The following SYNE3 variants were observed in gnomAD, a reference collection of about 807,000 sequenced individuals.
SYNE3 encodes nesprin-3.
In SYNE3, 100 loss-of-function variants were observed where a neutral mutation model predicts 111.2. That is an observed-to-expected ratio of 0.90 (90% CI 0.77 to 1.06). The LOEUF (loss-of-function observed/expected upper bound fraction) is 1.06. Among genes scored for constraint, SYNE3 ranks in the 50% least tolerant of loss-of-function variants. The pLI, the probability that SYNE3 is intolerant of heterozygous loss-of-function variation, is 0.00. For missense variants in SYNE3, 1,160 were observed against 1,240.3 expected, an observed-to-expected ratio of 0.94 and a Z score of 0.97; for synonymous variants, 547 against 533.9, an observed-to-expected ratio of 1.02 and a Z score of -0.34.
intron 2 of SYNE3, among the ~76,000 whole-genome samples, chr14:95,471,751 G>A (rs1254429609): frequency 1.3e-5 from 2 of 152,212 alleles, no homozygotes; most frequent in Admixed American, 1.3e-4. Context: ...CAAGGTCTGC[G>A]TGGCCAGCTG....
rs777390547 is a variant in SYNE3 at position 95,439,773 on chromosome 14, T to C, written c.2085A>G (p.Ala695=). Residue 695 remains alanine, a synonymous_variant, in exon 13 of 18, where the codon GCA becomes GCG. Transcript: ENST00000682763. The part of the protein sequence containing the change: ...SQEAEFERLV[A]EFPEKEAQLS... Reference sequence around the variant, plus strand: ...GCTGGGCCTCCTTCTCCGGGAATTCTGCCACCAGCCTCTAAAGGACACACG... The same window carrying C: ...GCTGGGCCTCCTTCTCCGGGAATTCCGCCACCAGCCTCTAAAGGACACACG... 9.3e-6 allele frequency: 15 copies of C among 1,612,380 alleles called. No homozygotes were observed. Among genetic ancestry groups the C allele is most frequent in the Non-Finnish European group, 1.2e-5 (14 of 1,179,066 alleles).
At position 95,439,774 on chromosome 14, in the gene SYNE3, G is replaced by A; in HGVS notation, c.2084C>T (p.Ala695Val). 1 of 1,612,296 alleles carries A rather than the reference G, an allele frequency of 6.2e-7. No homozygotes were observed. Among genetic ancestry groups the A allele is most frequent in the Non-Finnish European group, 8.5e-7 (1 of 1,179,024 alleles). The change falls in exon 13 of 18, where the codon GCA becomes GTA. Residue 695 changes from alanine (A) to valine (V), a missense_variant. Physicochemically the swap from Ala to Val is moderately conservative, Grantham distance 64. Transcript: ENST00000682763. ...CTGGGCCTCCTTCTCCGGGAATTCT[G>A]CCACCAGCCTCTAAAGGACACACGG... ...SQEAEFERLV[A>V]EFPEKEAQLS... is the part of the protein sequence containing the mutation.
chr14:95,508,431 C>G (rs1454088207), intron 1 of SYNE3, among the ~76,000 whole-genome samples: 1 of 152,162 alleles, frequency 6.6e-6, no homozygotes, highest in South Asian at 2.1e-4. Context: ...GGGCTCTGGA[C>G]AGATAACAAT....
At chr14:95,444,071 A>C (rs1886563667) in intron 10 of SYNE3, 1 of 213,974 alleles carries the variant, frequency 4.7e-6, no homozygotes, top group African/African-American at 2.3e-5. Flanking sequence ...TTAAAAAACC[A>C]TCAAGTTCCT....
chr14:95,447,853 C>G (rs4905312), intron 8 of SYNE3, among the ~76,000 whole-genome samples: 43,517 of 152,080 alleles, frequency 0.29, 6,691 homozygotes, highest in African/African-American at 0.41. Flanking sequence ...TTCCCTGGCT[C>G]TGATCCCTCA....
chr14:95,452,393 A>G lies in SYNE3; in HGVS notation c.1138-10T>C, dbSNP rs1887146501. On this transcript the variant is annotated splice_polypyrimidine_tract_variant and intron_variant, in intron 6 of 17. Transcript: ENST00000682763. ...GCGCCGCCCGTGTTGCCTGCAGCAC[A>G]TGACGACACCGCAGCGGGAGGTGAG... 1 of 1,603,242 alleles carries G rather than the reference A, an allele frequency of 6.2e-7. No individual in the cohort carries two copies.
intron 3 of SYNE3, among the ~76,000 whole-genome samples, chr14:95,466,470 G>T (rs1163895994): frequency 6.6e-6 from 1 of 152,200 alleles, no homozygotes; most frequent in Non-Finnish European, 1.5e-5. Flanking sequence ...CTCCCTGCGT[G>T]AGGGTAGGAG....
At chr14:95,459,833 C>T (rs534442971) in intron 4 of SYNE3, among the ~76,000 whole-genome samples, 4 of 152,136 alleles carry the variant, frequency 2.6e-5, no homozygotes, top group South Asian at 2.1e-4. Flanking sequence ...CATGGTGGCT[C>T]GTGTCTATAA....
rs552726041 is a variant in SYNE3 at position 95,423,264 on chromosome 14, C to T, written c.2728-5238G>A. 1.2e-3 allele frequency among the ~76,000 whole-genome samples: 180 copies of T among 152,240 alleles called. 3 individuals carry two copies. The highest frequency in any genetic ancestry group is 3.9e-3 in the African/African-American group (164 of 41,534). On this transcript the variant is annotated intron_variant, in intron 17 of 17. Transcript: ENST00000682763. ...GGATGTAATGATGGAGTGATATTGT[C>T]ATTACTCAAGCAAGGACGGAGCCTC...
intron 1 of SYNE3, among the ~76,000 whole-genome samples, chr14:95,482,234 G>T (rs572540869): frequency 2.6e-5 from 4 of 152,340 alleles, no homozygotes; most frequent in Admixed American, 1.3e-4. Flanking sequence ...AGGAGTTTGA[G>T]ATCAGCCTGG....
rs146303567 is a variant in SYNE3, at chr14:95,508,533, C to T, written c.-15+8063G>A. On this transcript the variant is annotated intron_variant, in intron 1 of 17. Transcript: ENST00000682763. ...ATAATTTCAGGGTGACAGGACAGAG[C>T]ATGTTGGCAGGATGGGATAAGTGCC... Among the ~76,000 whole-genome samples, 314 of 152,334 alleles carry T rather than the reference C, an allele frequency of 2.1e-3. 2 individuals are homozygous for T. The highest frequency in any genetic ancestry group is 7.0e-3 in the African/African-American group (293 of 41,572).
chr14:95,463,946 TAACCATACAGCCCCCAC>T (rs1422492777), intron 4 of SYNE3, among the ~76,000 whole-genome samples: 4 of 152,252 alleles, frequency 2.6e-5, no homozygotes, highest in Non-Finnish European at 4.4e-5. Context: ...AGCTCACATG[TAACCATACAGCCCCCAC>T]AACCTGGGTG....
chr14:95,453,723 G>C (rs1220468225), intron 6 of SYNE3, among the ~76,000 whole-genome samples: 1 of 152,194 alleles, frequency 6.6e-6, no homozygotes, highest in East Asian at 1.9e-4. Context: ...GGGTGCAGAG[G>C]GTGAGCAAGA....
chr14:95,420,894 T>C (rs1325581221), intron 17 of SYNE3, among the ~76,000 whole-genome samples: 5 of 152,006 alleles, frequency 3.3e-5, no homozygotes. Flanking sequence ...TCTTGAATTA[T>C]AGTTCCTATA....
At chr14:95,474,614 G>A (rs1037593963) in intron 2 of SYNE3, among the ~76,000 whole-genome samples, 10 of 152,224 alleles carry the variant, frequency 6.6e-5, no homozygotes, top group African/African-American at 2.4e-4. Flanking sequence ...GCAGACAATG[G>A]CTCCTGCCTC....
chr14:95,420,947 A>G (rs551656670), intron 17 of SYNE3, among the ~76,000 whole-genome samples: 3 of 152,260 alleles, frequency 2.0e-5, no homozygotes, highest in South Asian at 4.2e-4. Flanking sequence ...AGATAATTGA[A>G]TCATGGGGGC....
At position 95,476,508 on chromosome 14, in the gene SYNE3, G is replaced by A. The variant is rs1418506460; in HGVS notation, c.-14-673C>T. Reference sequence around the variant, plus strand: ...GCTATGCCGGCCCTAGGTAACACCTGCCTGCTGGCATAGGTCACCCACCAG... The same window carrying A: ...GCTATGCCGGCCCTAGGTAACACCTACCTGCTGGCATAGGTCACCCACCAG... On this transcript the variant is annotated intron_variant, in intron 1 of 17. Transcript: ENST00000682763. Among the ~76,000 whole-genome samples, 3 of 152,236 alleles carry A rather than the reference G, an allele frequency of 2.0e-5. No homozygotes were observed. The East Asian group carries it at 5.8e-4, about 29-fold the overall frequency.
chr14:95,431,374 T>A (rs1208834211), intron 17 of SYNE3, among the ~76,000 whole-genome samples: 1 of 152,162 alleles, frequency 6.6e-6, no homozygotes, highest in African/African-American at 2.4e-5. Context: ...CGCTGAAAGT[T>A]GAGATTATAC....
In SYNE3 at chr14:95,479,989, C is replaced by T. The variant is rs114019730; in HGVS notation, c.-14-4154G>A. Among the ~76,000 whole-genome samples, 243 of 152,194 alleles carry T rather than the reference C, an allele frequency of 1.6e-3. 1 individual carries two copies. The highest frequency in any genetic ancestry group is 5.7e-3 in the African/African-American group (237 of 41,510). On this transcript the variant is annotated intron_variant, in intron 1 of 17. Transcript: ENST00000682763. ...GAAAAGGTTGCAGGAGTGAGCAGAG[C>T]CAGCATGCCTCTCTGGCACGGGAGA...
Sources: gnomAD v4.1 joint callset for allele counts (sites outside exome capture counted in the v4.1 genomes callset) on GRCh38, gnomAD v4.1.1 for gene constraint, MANE v1.5 for transcripts, NCBI Gene and HGNC (gene_info 2026-07-23, HGNC 2026-07-21) for gene names.